Variants in PCDH15 observed in about 807,000 individuals in gnomAD.
PCDH15 encodes the protein protocadherin-15.
A neutral mutation model predicts 178.5 loss-of-function variants in PCDH15; 129 were observed. The observed-to-expected ratio is 0.72, with a 90% CI of 0.63 to 0.84. The LOEUF is 0.84. Ranked by LOEUF, PCDH15 falls within the 40% of genes least tolerant of loss-of-function variation. PCDH15 has a pLI of 0.00. For synonymous variants in PCDH15, 800 were observed against 732.0 expected (o/e 1.09, Z -1.50); for missense variants, 2,230 against 2,099.9 (o/e 1.06, Z -1.21).
intron 8 of PCDH15, among the ~76,000 whole-genome samples, chr10:54,272,823 A>G (rs2058126204): frequency 6.6e-6 from 1 of 152,106 alleles, no homozygotes; most frequent in African/African-American, 2.4e-5. Context: ...AATATAGTAC[A>G]CTTAGGCATA....
intron 13 of PCDH15, among the ~76,000 whole-genome samples, chr10:54,173,746 C>A (rs911864888): frequency 4.6e-5 from 7 of 151,986 alleles, no homozygotes; most frequent in African/African-American, 1.7e-4. Flanking sequence ...AAAAAATTGA[C>A]AATAATTTTA....
intron 8 of PCDH15, among the ~76,000 whole-genome samples, chr10:54,276,112 C>T (rs1396272794): frequency 1.3e-5 from 2 of 151,314 alleles, no homozygotes; most frequent in Admixed American, 1.3e-4. Flanking sequence ...TAAAAAGACA[C>T]AAAGAAAGCA....
chr10:55,209,322 C>G (rs1004132200), intron 1 of PCDH15, among the ~76,000 whole-genome samples: 1 of 152,098 alleles, frequency 6.6e-6, no homozygotes, highest in South Asian at 2.1e-4. Flanking sequence ...AATGAAAAGA[C>G]ATCAGATGAT....
At position 53,995,382 on chromosome 10, in the gene PCDH15, T is replaced by C. The variant is rs565913795; in HGVS notation, c.2868+267A>G. On this transcript the variant is annotated intron_variant, in intron 21 of 37. Transcript: ENST00000644397. ...AGCTTACAAATGGAGACAATTCATATATATTTATCATTGTTAGATAAATTA... is the reference window on the plus strand; with the variant it reads ...AGCTTACAAATGGAGACAATTCATACATATTTATCATTGTTAGATAAATTA... 1.6e-5 allele frequency: 8 copies of C among 503,158 alleles called. No homozygotes were observed. In the East Asian group the frequency reaches 2.3e-4, roughly 14 times the overall value. 31.2% of individuals were successfully genotyped at this position (503,158 alleles called of 1,614,324 possible). A position where few individuals can be genotyped will look rare whatever the true frequency, so the allele number is the denominator to read the frequency against.
intron 13 of PCDH15, among the ~76,000 whole-genome samples, chr10:54,167,417 C>T (rs542917491): frequency 1.1e-4 from 17 of 152,154 alleles, no homozygotes; most frequent in South Asian, 8.3e-4. Context: ...ACATTTTATC[C>T]GTGGACCCAA....
At chr10:54,337,157 T>G (rs976266832) in intron 6 of PCDH15, among the ~76,000 whole-genome samples, 6 of 152,144 alleles carry the variant, frequency 3.9e-5, no homozygotes, top group African/African-American at 1.4e-4. Flanking sequence ...CCATTTTATC[T>G]AGGAAGTAAC....
intron 1 of PCDH15, among the ~76,000 whole-genome samples, chr10:54,704,073 C>T (rs2095341345): frequency 6.6e-6 from 1 of 152,040 alleles, no homozygotes; most frequent in Non-Finnish European, 1.5e-5. Flanking sequence ...TGAAATTGGA[C>T]TCATTCTATT....
intron 2 of PCDH15, among the ~76,000 whole-genome samples, chr10:55,401,886 G>A (rs1838079438): frequency 6.6e-6 from 1 of 151,904 alleles, no homozygotes; most frequent in African/African-American, 2.4e-5. Context: ...TTTAAACAAG[G>A]CAATATCCAC....
chr10:55,199,369 G>C (rs1290441327), intron 1 of PCDH15, among the ~76,000 whole-genome samples: 1 of 151,950 alleles, frequency 6.6e-6, no homozygotes, highest in Non-Finnish European at 1.5e-5. Context: ...GATGATTTAG[G>C]GTATCTGGCA....
chr10:54,295,587 C>A (rs1441474646), intron 8 of PCDH15, among the ~76,000 whole-genome samples: 1 of 152,198 alleles, frequency 6.6e-6, no homozygotes, highest in Non-Finnish European at 1.5e-5. Context: ...AGAAGAAACT[C>A]TGGACGTATC....
At chr10:55,350,557 C>G (rs914298735) in intron 2 of PCDH15, among the ~76,000 whole-genome samples, 2 of 151,824 alleles carry the variant, frequency 1.3e-5, no homozygotes, top group African/African-American at 4.8e-5. Flanking sequence ...CAGAACAGTA[C>G]TGACATTCTA....
intron 1 of PCDH15, among the ~76,000 whole-genome samples, chr10:55,262,112 A>G (rs1444118060): frequency 1.6e-5 from 1 of 63,186 alleles, no homozygotes; most frequent in Non-Finnish European, 3.4e-5. Flanking sequence ...GAGAAGAGAA[A>G]TAAAAAAGAA....
chr10:54,038,227 A>G (rs1225905373), intron 18 of PCDH15, among the ~76,000 whole-genome samples: 1 of 151,890 alleles, frequency 6.6e-6, no homozygotes, highest in African/African-American at 2.4e-5. Flanking sequence ...TGATTTATTT[A>G]TTTTGCAGAC....
At chr10:55,464,911 AAAAAAG>A (rs1287417036) in intron 2 of PCDH15, among the ~76,000 whole-genome samples, 2 of 151,064 alleles carry the variant, frequency 1.3e-5, no homozygotes, top group Non-Finnish European at 2.9e-5. Flanking sequence ...TGAAAAAAAA[AAAAAAG>A]AAACAAAACA....
intron 1 of PCDH15, among the ~76,000 whole-genome samples, chr10:55,314,620 T>C (rs1429415307): frequency 6.6e-6 from 1 of 152,094 alleles, no homozygotes; most frequent in Admixed American, 6.6e-5. Context: ...TTTTTCCCTT[T>C]CACTACAGTA....
At chr10:55,070,129 GT>G (rs1441287126) in intron 2 of PCDH15, among the ~76,000 whole-genome samples, 1 of 150,448 alleles carries the variant, frequency 6.6e-6, no homozygotes, top group Non-Finnish European at 1.5e-5. Context: ...GGGGTTGTTT[GT>G]TTTTTTCTTG....
At chr10:54,311,525 G>A (rs1351758068) in intron 8 of PCDH15, among the ~76,000 whole-genome samples, 1 of 151,824 alleles carries the variant, frequency 6.6e-6, no homozygotes, top group Non-Finnish European at 1.5e-5. Context: ...TAAAAGAGTT[G>A]GAAATTAAGA....
chr10:54,553,132 G>A (rs973505251), intron 2 of PCDH15, among the ~76,000 whole-genome samples: 11 of 152,094 alleles, frequency 7.2e-5, no homozygotes, highest in African/African-American at 2.7e-4. Flanking sequence ...TTCTGTCAGG[G>A]TGGTGTGCTT....
intron 15 of PCDH15, among the ~76,000 whole-genome samples, chr10:54,090,726 A>G (rs1232349390): frequency 2.0e-5 from 3 of 151,950 alleles, no homozygotes; most frequent in Non-Finnish European, 4.4e-5. Context: ...TTTTCTGTTC[A>G]GAATATATCA....
Sources: gnomAD v4.1 joint callset for allele counts (sites outside exome capture counted in the v4.1 genomes callset) on GRCh38, gnomAD v4.1.1 for gene constraint, MANE v1.5 for transcripts, NCBI Gene and HGNC (gene_info 2026-07-23, HGNC 2026-07-21) for gene names.